CCDC158: variants seen among roughly 807,000 people sequenced by gnomAD.
The protein encoded by CCDC158 is coiled-coil domain-containing protein 158.
Under a neutral mutation model 138.6 loss-of-function variants are expected in CCDC158, and 116 were observed. The ratio of observed to expected loss-of-function variants is 0.84; its 90% CI spans 0.72 to 0.98. The LOEUF is 0.98. Among genes scored for constraint, CCDC158 ranks in the 50% least tolerant of loss-of-function variants. CCDC158 has a pLI of 0.00. For synonymous variants in CCDC158, 436 were observed against 442.4 expected, an observed-to-expected ratio of 0.99 and a Z score of 0.18; for missense variants, 1,265 against 1,306.1, an observed-to-expected ratio of 0.97 and a Z score of 0.48.
At position 76,383,697 on chromosome 4, in the gene CCDC158, G is replaced by GTTCTGTGA. The variant is rs1473958127; in HGVS notation, c.760_767dup (p.Lys257HisfsTer5). The stretch of plus-strand genomic sequence containing the variant: ...GTTGTTGCAGAAGTAGTTCTATTTT[G>GTTCTGTGA]TTCTGTGATTCAGATTTCAGTGCTT... On this transcript the variant is annotated frameshift_variant, in exon 7 of 25. Transcript: ENST00000682701. LOFTEE classifies it high-confidence loss of function. The GTTCTGTGA allele has an allele frequency of 6.2e-7, 1 of 1,613,418 alleles. No homozygotes were observed.
rs567496535 is a variant in CCDC158, at chr4:76,336,525, G to A, written c.2665-2358C>T. Among the ~76,000 whole-genome samples the A allele has an allele frequency of 3.9e-5, 6 of 152,262 alleles. No homozygotes were observed. The East Asian group carries it at 1.2e-3, about 29-fold the overall frequency. ...TCTCTCTACGGCATTCTAGTAATAT[G>A]CTTATCTGGCCTTTGCTTGATCACC... On this transcript the variant is annotated intron_variant, in intron 18 of 24. Transcript: ENST00000682701.
intron 8 of CCDC158, among the ~76,000 whole-genome samples, chr4:76,382,293 A>G (rs1454143162): frequency 6.6e-6 from 1 of 152,204 alleles, no homozygotes; most frequent in Admixed American, 6.5e-5. Context: ...CTGTGGAACT[A>G]GGAGTCAATT....
At chr4:76,332,753 A>G (rs1467972143) in intron 19 of CCDC158, among the ~76,000 whole-genome samples, 1 of 152,076 alleles carries the variant, frequency 6.6e-6, no homozygotes, top group African/African-American at 2.4e-5. Flanking sequence ...ATTAACATAA[A>G]CTCTCTAAAG....
intron 2 of CCDC158, among the ~76,000 whole-genome samples, chr4:76,404,143 TGA>T (rs1476846528): frequency 2.6e-5 from 4 of 151,686 alleles, no homozygotes; most frequent in South Asian, 2.1e-4. Context: ...AAGAAGGAAA[TGA>T]GAGAGGAACA....
At chr4:76,395,810 G>C (rs138858475) in intron 4 of CCDC158, among the ~76,000 whole-genome samples, 2 of 152,126 alleles carry the variant, frequency 1.3e-5, no homozygotes, top group Non-Finnish European at 2.9e-5. Context: ...TTGATTCTAC[G>C]TAATGTCCAC....
intron 23 of CCDC158, among the ~76,000 whole-genome samples, chr4:76,325,432 A>C (rs1252536463): frequency 4.6e-5 from 7 of 152,242 alleles, no homozygotes; most frequent in African/African-American, 1.7e-4. Flanking sequence ...TCAAATAACA[A>C]ACTAACTTAA....
At chr4:76,398,330 G>A (rs1483823756) in intron 3 of CCDC158, among the ~76,000 whole-genome samples, 1 of 152,142 alleles carries the variant, frequency 6.6e-6, no homozygotes, top group Non-Finnish European at 1.5e-5. Context: ...CTTTCAATTA[G>A]TGGGATGTGG....
intron 2 of CCDC158, among the ~76,000 whole-genome samples, chr4:76,404,015 C>A (rs950630804): frequency 6.6e-6 from 1 of 152,038 alleles, no homozygotes; most frequent in African/African-American, 2.4e-5. Flanking sequence ...TAGTCCATAG[C>A]CCTGACAATG....
chr4:76,358,245 C>T (rs1385495938), intron 13 of CCDC158, among the ~76,000 whole-genome samples: 1 of 152,168 alleles, frequency 6.6e-6, no homozygotes, highest in Non-Finnish European at 1.5e-5. Flanking sequence ...CTGAAACCTA[C>T]ACTTAATCCC....
chr4:76,417,363 C>T (rs536086864), intron 1 of CCDC158, among the ~76,000 whole-genome samples: 2 of 151,882 alleles, frequency 1.3e-5, no homozygotes, highest in Admixed American at 6.6e-5. Context: ...AGACTTTGGA[C>T]TGAAGACTTT....
At chr4:76,394,077 C>CT (rs1226942210) in intron 4 of CCDC158, among the ~76,000 whole-genome samples, 4 of 152,030 alleles carry the variant, frequency 2.6e-5, no homozygotes, top group Admixed American at 2.0e-4. Flanking sequence ...TTGGAGGTCT[C>CT]TCAAAAAACT....
intron 18 of CCDC158, among the ~76,000 whole-genome samples, chr4:76,349,075 C>T (rs1339969646): frequency 6.6e-6 from 1 of 152,108 alleles, no homozygotes; most frequent in Non-Finnish European, 1.5e-5. Context: ...GAAAAAACTA[C>T]CTCCAAAACA....
intron 15 of CCDC158, among the ~76,000 whole-genome samples, chr4:76,354,449 ATTTTC>A (rs1282934692): frequency 6.6e-6 from 1 of 152,048 alleles, no homozygotes; most frequent in East Asian, 1.9e-4. Flanking sequence ...GGTTGCACTT[ATTTTC>A]TACTTGTCAT....
chr4:76,395,495 A>G (rs760908348), intron 4 of CCDC158, among the ~76,000 whole-genome samples: 1 of 152,180 alleles, frequency 6.6e-6, no homozygotes, highest in Non-Finnish European at 1.5e-5. Flanking sequence ...ATCTAGAGGA[A>G]AGGCTTCAGA....
At chr4:76,317,608 A>C (rs1719525236) in intron 24 of CCDC158, among the ~76,000 whole-genome samples, 1 of 152,210 alleles carries the variant, frequency 6.6e-6, no homozygotes, top group Admixed American at 6.5e-5. Flanking sequence ...ACAAAAAACA[A>C]TGCACCTAAA....
intron 4 of CCDC158, among the ~76,000 whole-genome samples, chr4:76,385,838 G>A (rs886409612): frequency 6.6e-6 from 1 of 152,052 alleles, no homozygotes; most frequent in African/African-American, 2.4e-5. Flanking sequence ...TGGCATTTCA[G>A]AGACAAAGAA....
intron 9 of CCDC158, among the ~76,000 whole-genome samples, chr4:76,373,715 A>C (rs1202281979): frequency 6.6e-6 from 1 of 152,222 alleles, no homozygotes; most frequent in Non-Finnish European, 1.5e-5. Flanking sequence ...ATATAGGACT[A>C]TCAGTTTCCC....
chr4:76,321,190 T>C (rs1719960597), intron 24 of CCDC158, among the ~76,000 whole-genome samples: 1 of 151,974 alleles, frequency 6.6e-6, no homozygotes. Context: ...ATCAGGGAAA[T>C]GCAAATCAAA....
Position 76,384,360 on chromosome 4 carries a change from G to T in CCDC158, c.454C>A (p.His152Asn). The change falls in exon 6 of 25, where the codon CAT (histidine) becomes AAT (asparagine). Residue 152 changes from histidine to asparagine, a missense_variant. By Grantham distance (68) the His-to-Asn change is moderately conservative. Coordinates refer to ENST00000682701, the MANE Select transcript of CCDC158 (RefSeq NM_001394954.1). ...AGGCATTTGGCAGCTTCAAGTTCAT[G>T]AACTGTATTTTGAAGCTGATTTCTT... ...DLRNQLQNTV[H>N]ELEAAKCLKE... 3 of 1,614,090 alleles carry T rather than the reference G, an allele frequency of 1.9e-6. No individual in the cohort carries two copies. The highest frequency in any genetic ancestry group is 1.1e-5 in the South Asian group (1 of 91,078).
Sources: allele counts gnomAD v4.1 joint callset (sites outside exome capture counted in the v4.1 genomes callset), GRCh38; gene constraint gnomAD v4.1.1; transcripts MANE v1.5; gene names NCBI Gene and HGNC (gene_info 2026-07-23, HGNC 2026-07-21).